The following CACNA1C variants were observed in gnomAD, a reference collection of about 807,000 sequenced individuals.
CACNA1C encodes the protein voltage-dependent L-type calcium channel subunit alpha-1C.
CACNA1C carries 30 observed loss-of-function variants against 229.0 expected under a neutral mutation model. That is an observed-to-expected ratio of 0.13 (90% CI 0.10 to 0.18). The LOEUF (loss-of-function observed/expected upper bound fraction) is 0.18, where lower values mean the gene tolerates loss of function less well. CACNA1C is among the 10% of genes least tolerant of loss of function. The pLI is 1.00. For synonymous variants in CACNA1C, 1,114 were observed against 1,132.5 expected (o/e 0.98, Z 0.33); for missense variants, 1,658 against 2,845.0 (o/e 0.58, Z 9.49).
intron 3 of CACNA1C, among the ~76,000 whole-genome samples, chr12:2,137,501 G>A (rs2093662203): frequency 6.6e-6 from 1 of 151,030 alleles, no homozygotes; most frequent in African/African-American, 2.4e-5. Context: ...CGGGAGGAGT[G>A]CTTCAACCCA....
At chr12:1,973,662 C>T (rs903618647) in intron 1 of CACNA1C, among the ~76,000 whole-genome samples, 1 of 152,136 alleles carries the variant, frequency 6.6e-6, no homozygotes, top group African/African-American at 2.4e-5. Flanking sequence ...GAATCTTTTT[C>T]ATCGTATACT....
At chr12:2,635,894 T>C (rs1196054096) in intron 30 of CACNA1C, among the ~76,000 whole-genome samples, 2 of 152,138 alleles carry the variant, frequency 1.3e-5, no homozygotes, top group Non-Finnish European at 2.9e-5. Flanking sequence ...GTATGTGCAC[T>C]CTCTCTTAAC....
chr12:2,228,061 A>G (rs1226597154), intron 3 of CACNA1C, among the ~76,000 whole-genome samples: 1 of 152,140 alleles, frequency 6.6e-6, no homozygotes, highest in Non-Finnish European at 1.5e-5. Flanking sequence ...CAGCAGGAAG[A>G]AGAGTTTCTG....
At chr12:2,269,576 C>A (rs2154416319) in intron 3 of CACNA1C, among the ~76,000 whole-genome samples, 1 of 152,296 alleles carries the variant, frequency 6.6e-6, no homozygotes, top group Non-Finnish European at 1.5e-5. Flanking sequence ...CTCATGGAAG[C>A]CAGGAACCAG....
chr12:2,349,668 G>A (rs1355899326), intron 3 of CACNA1C, among the ~76,000 whole-genome samples: 1 of 152,098 alleles, frequency 6.6e-6, no homozygotes, highest in African/African-American at 2.4e-5. Flanking sequence ...CTCTGCAGTG[G>A]TCCCACGGAT....
At chr12:2,068,794 C>T (rs1476879904) in intron 1 of CACNA1C, among the ~76,000 whole-genome samples, 2 of 152,208 alleles carry the variant, frequency 1.3e-5, no homozygotes, top group Non-Finnish European at 2.9e-5. Flanking sequence ...TGGCCTTATT[C>T]TGATGAACCT....
At chr12:2,381,472 C>A (rs2064217022) in intron 3 of CACNA1C, among the ~76,000 whole-genome samples, 1 of 152,218 alleles carries the variant, frequency 6.6e-6, no homozygotes, top group Non-Finnish European at 1.5e-5. Context: ...AAATTAGCTG[C>A]TTTAAAAGTA....
At chr12:2,204,173 G>A (rs1448177951) in intron 3 of CACNA1C, among the ~76,000 whole-genome samples, 3 of 151,908 alleles carry the variant, frequency 2.0e-5, no homozygotes, top group Non-Finnish European at 2.9e-5. Flanking sequence ...ATCTCATTGT[G>A]GTTTTGATTT....
intron 3 of CACNA1C, among the ~76,000 whole-genome samples, chr12:2,251,603 C>T (rs1233426334): frequency 6.6e-6 from 1 of 152,174 alleles, no homozygotes; most frequent in African/African-American, 2.4e-5. Context: ...GGCAACCAAA[C>T]CCAGCCCCGG....
At chr12:2,087,466 C>T (rs893310752) in intron 1 of CACNA1C, among the ~76,000 whole-genome samples, 2 of 152,186 alleles carry the variant, frequency 1.3e-5, no homozygotes, top group African/African-American at 2.4e-5. Flanking sequence ...AGTATCCATG[C>T]TGTATGTCCT....
intron 3 of CACNA1C, among the ~76,000 whole-genome samples, chr12:2,360,177 C>CA (rs2097523382): frequency 3.4e-5 from 4 of 117,528 alleles, no homozygotes; most frequent in South Asian, 3.5e-4. Context: ...CCCCCCCACC[C>CA]CACACACACA....
At chr12:2,057,035 G>A (rs528860934) in intron 1 of CACNA1C, among the ~76,000 whole-genome samples, 2 of 152,326 alleles carry the variant, frequency 1.3e-5, no homozygotes, top group South Asian at 2.1e-4. Context: ...TCATAGTAAA[G>A]GGAGACTTGT....
intron 30 of CACNA1C, among the ~76,000 whole-genome samples, chr12:2,643,352 GTTC>G (rs1054706469): frequency 9.9e-5 from 15 of 152,220 alleles, no homozygotes; most frequent in African/African-American, 3.4e-4. Flanking sequence ...CTTCTGCTCA[GTTC>G]TTCTCCTCCA....
At chr12:2,210,702 C>A (rs1398874452) in intron 3 of CACNA1C, among the ~76,000 whole-genome samples, 3 of 152,194 alleles carry the variant, frequency 2.0e-5, no homozygotes, top group Admixed American at 6.5e-5. Flanking sequence ...AGAAACATTT[C>A]ATTGATCAAA....
chr12:2,652,521 T>C (rs1047684339), intron 32 of CACNA1C, among the ~76,000 whole-genome samples: 2 of 152,190 alleles, frequency 1.3e-5, no homozygotes, highest in Non-Finnish European at 2.9e-5. Flanking sequence ...TCTCCCCCCA[T>C]GGAGGGGCCG....
chr12:2,479,974 C>T lies in CACNA1C; in HGVS notation c.758-6130C>T, dbSNP rs967156768. On this transcript the variant is annotated intron_variant, in intron 5 of 46. Transcript: ENST00000399655. This position sits in a 1 kb window ranked among gnomAD's most constrained non-coding sequence, Gnocchi z 4.3. Reference sequence around the variant, plus strand: ...AGAGTAGAGGACCCCTGGCCTAATGCTGTCCTTCCCCTGCCCCTCTGTGGC... The same window carrying T: ...AGAGTAGAGGACCCCTGGCCTAATGTTGTCCTTCCCCTGCCCCTCTGTGGC... 1.4e-4 allele frequency among the ~76,000 whole-genome samples: 22 copies of T among 152,224 alleles called. No individual in the cohort carries two copies. The highest frequency in any genetic ancestry group is 2.4e-4 in the Non-Finnish European group (16 of 68,050).
At position 2,177,534 on chromosome 12, in the gene CACNA1C, C is replaced by CCCTTCCCTTTCCTT. The variant is rs1021237208; in HGVS notation, c.477+57121_477+57134dup. 6.8e-5 allele frequency among the ~76,000 whole-genome samples: 10 copies of CCCTTCCCTTTCCTT among 147,476 alleles called. 1 individual carries two copies. Among genetic ancestry groups the CCCTTCCCTTTCCTT allele is most frequent in the Admixed American group, 2.7e-4 (4 of 14,822 alleles). On this transcript the variant is annotated intron_variant, in intron 3 of 46. Coordinates refer to ENST00000399655, the MANE Select transcript of CACNA1C (RefSeq NM_000719.7). ...CTCTCTTTCTTCCTTCCTCTCCTCT[C>CCCTTCCCTTTCCTT]CCTTCCCTTTCCTTCCTTCCCTTTC...
chr12:2,271,004 A>G (rs569599824), intron 3 of CACNA1C, among the ~76,000 whole-genome samples: 1 of 152,224 alleles, frequency 6.6e-6, no homozygotes, highest in South Asian at 2.1e-4. Context: ...CTCTAGGACA[A>G]CGTGGATCTG....
Position 2,158,386 on chromosome 12 carries a change from G to A in CACNA1C, c.477+37956G>A, listed in dbSNP as rs139068938. Among the ~76,000 whole-genome samples the A allele has an allele frequency of 6.2e-3, 946 of 152,248 alleles. 8 individuals are homozygous for A. The highest frequency in any genetic ancestry group is 0.022 in the African/African-American group (894 of 41,526). ...AGCTCAGGAGTTCGAGACCAGCCTG[G>A]GCAACATGGCGAAACCATGTCTTTA... On this transcript the variant is annotated intron_variant, in intron 3 of 46. Coordinates refer to ENST00000399655, the MANE Select transcript of CACNA1C (RefSeq NM_000719.7).
Sources: gnomAD v4.1 joint callset for allele counts (sites outside exome capture counted in the v4.1 genomes callset) on GRCh38, gnomAD v4.1.1 for gene constraint, Gnocchi (gnomAD v3.1) non-coding constraint, MANE v1.5 for transcripts, NCBI Gene and HGNC (gene_info 2026-07-23, HGNC 2026-07-21) for gene names.